The following ANK2 variants were observed in gnomAD, a reference collection of about 807,000 sequenced individuals.
The protein encoded by ANK2 is ankyrin 2.
ANK2 carries 83 observed loss-of-function variants against 360.5 expected under a neutral mutation model. The ratio of observed to expected loss-of-function variants is 0.23; its 90% CI spans 0.19 to 0.28. The LOEUF (loss-of-function observed/expected upper bound fraction) is 0.28, where lower values mean the gene tolerates loss of function less well. ANK2 is among the 10% of genes least tolerant of loss of function. The probability of loss-of-function intolerance (pLI) is 1.00; values close to 1 mark genes in which losing one functional copy is unlikely to be tolerated. For synonymous variants in ANK2, 1,740 were observed against 1,759.5 expected (o/e 0.99, Z 0.28); for missense variants, 4,201 against 4,795.7 (o/e 0.88, Z 3.66).
chr4:112,965,814 G>A (rs979483105), intron 2 of ANK2, among the ~76,000 whole-genome samples: 2 of 151,902 alleles, frequency 1.3e-5, no homozygotes, highest in Admixed American at 6.6e-5. Flanking sequence ...CTCTATTCTC[G>A]ATGATATTTC....
chr4:113,336,497 T>C (rs892806851), intron 30 of ANK2, 80 bp from the exon 31 acceptor site: 2 of 1,318,666 alleles, frequency 1.5e-6, no homozygotes, highest in African/African-American at 1.5e-5. Flanking sequence ...GGGAAGAAAT[T>C]TGAAATTAAG....
chr4:112,934,650 A>G (rs1202152237), intron 2 of ANK2, among the ~76,000 whole-genome samples: 1 of 152,200 alleles, frequency 6.6e-6, no homozygotes, highest in Admixed American at 6.5e-5. Flanking sequence ...GAATTAATTT[A>G]TAATAACTAT....
At chr4:113,115,050 G>A in intron 1 of ANK2, among the ~76,000 whole-genome samples, 1 of 152,166 alleles carries the variant, frequency 6.6e-6, no homozygotes, top group Non-Finnish European at 1.5e-5. Context: ...CTCTAGTCTT[G>A]CTGCTTTCCC....
chr4:112,951,513 CTTCT>C (rs2094997017), intron 2 of ANK2, among the ~76,000 whole-genome samples: 1 of 151,920 alleles, frequency 6.6e-6, no homozygotes, highest in African/African-American at 2.4e-5. Context: ...ATTCCTTTTC[CTTCT>C]AATTTGTTTT....
chr4:113,095,822 A>G (rs626267), intron 1 of ANK2, among the ~76,000 whole-genome samples: 124,672 of 152,166 alleles, frequency 0.82, 51,653 homozygotes, highest in African/African-American at 0.95. Context: ...GTTTTTGTCC[A>G]TGCATGTTTA....
intron 1 of ANK2, among the ~76,000 whole-genome samples, chr4:112,900,709 A>G (rs1403631086): frequency 1.3e-5 from 2 of 151,874 alleles, no homozygotes. Flanking sequence ...CCCAATTTCC[A>G]TTTCTATTCT....
chr4:112,826,552 C>T (rs28477884), intron 1 of ANK2: 74,024 of 1,404,826 alleles, frequency 0.053, 4,701 homozygotes, highest in African/African-American at 0.29. Flanking sequence ...CTTGCCCAGC[C>T]GGGCCCTGTC....
rs139909271 is a variant in ANK2, at chr4:113,125,031, G to A, written c.85-49385G>A. The stretch of plus-strand genomic sequence containing the variant: ...GTATCTTAATCTAATCAATTTATTT[G>A]GTTAAGACTAATGGTGTTATTTCAC... On this transcript the variant is annotated intron_variant, in intron 1 of 45. Coordinates refer to ENST00000357077, the MANE Select transcript of ANK2 (RefSeq NM_001148.6). Among the ~76,000 whole-genome samples the A allele has an allele frequency of 2.0e-3, 303 of 152,086 alleles. 3 individuals are homozygous for A. In the Middle Eastern group the frequency reaches 0.021, roughly 10 times the overall value.
chr4:112,994,447 C>G (rs2047859199), intron 2 of ANK2, among the ~76,000 whole-genome samples: 1 of 152,134 alleles, frequency 6.6e-6, no homozygotes, highest in Non-Finnish European at 1.5e-5. Context: ...TCTATCTCAG[C>G]TAGGTCAACA....
At chr4:113,374,831 G>A (rs1409483011) in intron 45 of ANK2, 19 of 1,267,980 alleles carry the variant, frequency 1.5e-5, no homozygotes, top group Non-Finnish European at 1.8e-5. Flanking sequence ...GTGGAAGGCC[G>A]TAGAGTCAGC....
rs1281868233 is a variant in ANK2, at chr4:113,357,996, T to C, written c.9378T>C (p.Asp3126=). ...AIDMTKRSYA[D]ESFHFFQIGQ... Reference sequence around the variant, plus strand: ...ATATGACCAAAAGGTCCTATGCAGATGAAAGTTTTCACTTTTTCCAAATTG... The same window carrying C: ...ATATGACCAAAAGGTCCTATGCAGACGAAAGTTTTCACTTTTTCCAAATTG... Residue 3126 remains aspartate, a synonymous_variant, in exon 38 of 46, where the codon GAT becomes GAC. Transcript: ENST00000357077. 1 of 1,613,942 alleles carries C rather than the reference T, an allele frequency of 6.2e-7. No individual in the cohort carries two copies. The highest frequency in any genetic ancestry group is 1.3e-5 in the African/African-American group (1 of 74,932).
chr4:113,302,988 T>C, intron 23 of ANK2, 149 bp downstream of exon 23: 1 of 755,866 alleles, frequency 1.3e-6, no homozygotes, highest in South Asian at 1.6e-5. Context: ...ATACATTTAC[T>C]TTTGCCATGG....
intron 2 of ANK2, among the ~76,000 whole-genome samples, chr4:113,180,357 A>G (rs1435482927): frequency 6.6e-6 from 1 of 152,214 alleles, no homozygotes; most frequent in East Asian, 1.9e-4. Flanking sequence ...TGATTAAGTG[A>G]AATGTTTGCA....
chr4:113,338,160 C>T (rs1414632359), intron 31 of ANK2, among the ~76,000 whole-genome samples: 4 of 152,156 alleles, frequency 2.6e-5, no homozygotes, highest in Non-Finnish European at 5.9e-5. Context: ...TAAAGGCCTA[C>T]TAGAATAAAC....
the ANK2 span, among the ~76,000 whole-genome samples, chr4:112,784,576 C>T: frequency 6.6e-6 from 1 of 151,806 alleles, no homozygotes; most frequent in Non-Finnish European, 1.5e-5. Flanking sequence ...ATCTCCTGAC[C>T]TCATGATCCG....
chr4:112,873,942 ATG>A (rs1364024292), intron 1 of ANK2, among the ~76,000 whole-genome samples: 3 of 152,152 alleles, frequency 2.0e-5, no homozygotes, highest in Non-Finnish European at 4.4e-5. Flanking sequence ...GTGGAATAAT[ATG>A]TGATTGATCC....
Position 113,278,514 on chromosome 4 carries a change from C to G in ANK2, c.1837C>G (p.Leu613Val), listed in dbSNP as rs780091077. The G allele has an allele frequency of 6.2e-7, 1 of 1,614,020 alleles. No homozygotes were observed. The highest frequency in any genetic ancestry group is 8.5e-7 in the Non-Finnish European group (1 of 1,179,946). The change falls in exon 17 of 46, where the codon CTG (leucine) becomes GTG (valine). Residue 613 changes from leucine to valine, a missense_variant. By Grantham distance (32) the Leu-to-Val change is conservative (BLOSUM62 1). Around this residue, in one of 4 missense-constraint regions of ANK2, gnomAD observed 1,268 missense variants for 1,650.8 expected, o/e 0.77. Coordinates refer to ENST00000357077, the MANE Select transcript of ANK2 (RefSeq NM_001148.6). ...TCATTATGACAACCAGAAGGTGGCG[C>G]TGCTGTTACTGGAGAAGGGTGCTTC... is the stretch of plus-strand genomic sequence containing the variant. ...AAHYDNQKVA[L>V]LLLEKGASPH...
chr4:113,338,710 C>T (rs1051668751), intron 31 of ANK2, among the ~76,000 whole-genome samples: 4 of 151,748 alleles, frequency 2.6e-5, no homozygotes, highest in Non-Finnish European at 1.5e-5. Flanking sequence ...CCACTATGCC[C>T]GGCTAATTTT....
In ANK2 at chr4:113,305,208, C is replaced by T. The variant is rs375737525; in HGVS notation, c.2548+2369C>T. Among the ~76,000 whole-genome samples, 86 of 149,314 alleles carry T rather than the reference C, an allele frequency of 5.8e-4. 1 individual carries two copies. The East Asian group carries it at 0.014, about 24-fold the overall frequency. On this transcript the variant is annotated intron_variant, in intron 23 of 45. Coordinates refer to ENST00000357077, the MANE Select transcript of ANK2 (RefSeq NM_001148.6). ...ACAAAAAATTAGCCGGGCGTAGTGGCGGGCGCCTGTAGTCCCAGCTACTTG... is the reference window on the plus strand; with the variant it reads ...ACAAAAAATTAGCCGGGCGTAGTGGTGGGCGCCTGTAGTCCCAGCTACTTG...
Sources: allele counts gnomAD v4.1 joint callset (sites outside exome capture counted in the v4.1 genomes callset), GRCh38; gene constraint gnomAD v4.1.1; regional missense constraint gnomAD v4.1.1; transcripts MANE v1.5; gene names NCBI Gene and HGNC (gene_info 2026-07-23, HGNC 2026-07-21).